WDR19: variants seen among roughly 807,000 people sequenced by gnomAD.
The protein encoded by WDR19 is WD repeat domain 19.
A neutral mutation model predicts 180.0 loss-of-function variants in WDR19; 121 were observed. The observed-to-expected ratio is 0.67, with a 90% CI of 0.58 to 0.78. WDR19 has a LOEUF of 0.78. Ranked by LOEUF, WDR19 falls within the 30% of genes least tolerant of loss-of-function variation. The probability of loss-of-function intolerance (pLI) is 0.00; values close to 1 mark genes in which losing one functional copy is unlikely to be tolerated. For synonymous variants in WDR19, 497 were observed against 540.7 expected, an observed-to-expected ratio of 0.92 and a Z score of 1.12; for missense variants, 1,450 against 1,640.7, an observed-to-expected ratio of 0.88 and a Z score of 2.01.
intron 15 of WDR19, among the ~76,000 whole-genome samples, chr4:39,225,939 T>C (rs554826410): frequency 3.3e-5 from 5 of 152,332 alleles, no homozygotes; most frequent in Middle Eastern, 3.4e-3. Flanking sequence ...AAATTCCTAA[T>C]CTGCTAGTTC....
At position 39,216,214 on chromosome 4, in the gene WDR19, A is replaced by G. The variant is rs1370753309; in HGVS notation, c.1249+4A>G. Reference sequence around the variant, plus strand: ...TTTTATGTCCTTGGAGAAAATGGCAAGTCTAAATCCAGTTGTTTATTCTTA... The same window carrying G: ...TTTTATGTCCTTGGAGAAAATGGCAGGTCTAAATCCAGTTGTTTATTCTTA... On this transcript the variant is annotated splice_donor_region_variant and intron_variant, in intron 12 of 36. Coordinates refer to ENST00000399820, the MANE Select transcript of WDR19 (RefSeq NM_025132.4). 6.4e-7 allele frequency: 1 copy of G among 1,551,722 alleles called. No homozygotes were observed. Among genetic ancestry groups the G allele is most frequent in the Non-Finnish European group, 8.7e-7 (1 of 1,149,736 alleles).
chr4:39,224,865 G>GT lies in WDR19; in HGVS notation c.1480-19_1480-18insT. On this transcript the variant is annotated intron_variant, in intron 14 of 36. Transcript: ENST00000399820. Reference sequence around the variant, plus strand: ...ACTACCTTTTATATTTTCATGGCTGGATTTTTTTTTTTTTTTAGACTGGTG... The same window carrying GT: ...ACTACCTTTTATATTTTCATGGCTGGTATTTTTTTTTTTTTTTAGACTGGTG... 7.1e-7 allele frequency: 1 copy of GT among 1,410,564 alleles called. No homozygotes were observed. Among genetic ancestry groups the GT allele is most frequent in the South Asian group, 1.4e-5 (1 of 70,218 alleles). The allele number at this position is 1,410,564 out of a possible 1,614,324, so 87.4% of individuals were successfully genotyped here. A position where few individuals can be genotyped will look rare whatever the true frequency, so the allele number is the denominator to read the frequency against.
At chr4:39,257,151 G>A (rs1451818) in intron 27 of WDR19, among the ~76,000 whole-genome samples, 69,751 of 152,022 alleles carry the variant, frequency 0.46, 18,658 homozygotes, top group East Asian at 0.62. Flanking sequence ...GGGATCTAGC[G>A]AAGTCCCACA....
intron 31 of WDR19, among the ~76,000 whole-genome samples, 186 bp downstream of exon 31, chr4:39,270,286 G>A (rs1260338276): frequency 3.3e-5 from 5 of 152,216 alleles, no homozygotes; most frequent in African/African-American, 1.2e-4. Context: ...CGGGGCAGGA[G>A]GCACAGTACC....
At position 39,285,648 on chromosome 4, in the gene WDR19, C is replaced by G. The variant is rs1349535548; in HGVS notation, c.*175C>G. 1 of 152,176 alleles carries G rather than the reference C, an allele frequency of 6.6e-6. No individual in the cohort carries two copies. Among genetic ancestry groups the G allele is most frequent in the East Asian group, 1.9e-4 (1 of 5,190 alleles). 9.4% of individuals were successfully genotyped at this position (152,176 alleles called of 1,614,324 possible). A position where few individuals can be genotyped will look rare whatever the true frequency, so the allele number is the denominator to read the frequency against. On this transcript the variant is annotated 3_prime_UTR_variant, in exon 37 of 37. Transcript: ENST00000399820. Reference sequence around the variant, plus strand: ...ACGGTGGCAAAACGATGACATGTAACCTTGCTGTTTATTGTACTTTGTATA... The same window carrying G: ...ACGGTGGCAAAACGATGACATGTAAGCTTGCTGTTTATTGTACTTTGTATA...
Position 39,217,148 on chromosome 4 carries a change from A to G in WDR19, c.1264A>G (p.Lys422Glu). 1 of 1,605,166 alleles carries G rather than the reference A, an allele frequency of 6.2e-7. No homozygotes were observed. Among genetic ancestry groups the G allele is most frequent in the Non-Finnish European group, 8.5e-7 (1 of 1,175,988 alleles). ...AATTGCTACAGCTGTGAAAAAATTG[A>G]AAGATATGGAGTATCTGGGAACAGT... ...VLGENAVKKL[K>E]DMEYLGTVAS... Residue 422 changes from lysine to glutamate, a missense_variant, in exon 13 of 37, where the codon AAA (lysine) becomes GAA (glutamate). Transcript: ENST00000399820.
intron 24 of WDR19, among the ~76,000 whole-genome samples, chr4:39,249,033 C>T (rs1732843567): frequency 6.6e-6 from 1 of 152,180 alleles, no homozygotes; most frequent in African/African-American, 2.4e-5. Context: ...CTCTCCACCC[C>T]AAATCAACAG....
Position 39,255,858 on chromosome 4 carries a change from CA to C in WDR19, c.3013del (p.Thr1005LeufsTer40). 6.3e-7 allele frequency: 1 copy of C among 1,587,908 alleles called. No individual in the cohort carries two copies. The highest frequency in any genetic ancestry group is 8.6e-7 in the Non-Finnish European group (1 of 1,166,088). ...IYADIIGSED[T>X]TNEDYQSIAL... Reference sequence around the variant, plus strand: ...AAACTTCTGTTACAGGTTCTGAAGACACTACTAATGAAGACTATCAAAGCAT... The same window carrying C: ...AAACTTCTGTTACAGGTTCTGAAGACCTACTAATGAAGACTATCAAAGCAT... On this transcript the variant is annotated frameshift_variant, in exon 27 of 37. Coordinates refer to ENST00000399820, the MANE Select transcript of WDR19 (RefSeq NM_025132.4). LOFTEE classifies it high-confidence loss of function.
intron 14 of WDR19, among the ~76,000 whole-genome samples, chr4:39,220,560 A>ATTTTTTTTTTTTTTTTTTTT (rs142037096): frequency 4.7e-5 from 3 of 64,376 alleles, no homozygotes; most frequent in African/African-American, 7.3e-5. Context: ...GACCTCCTTG[A>ATTTTTTTTTTTTTTTTTTTT]TTTTTTTTTT....
At chr4:39,189,937 T>C (rs1251742175) in intron 4 of WDR19, among the ~76,000 whole-genome samples, 156 bp downstream of exon 4, 4 of 152,246 alleles carry the variant, frequency 2.6e-5, no homozygotes, top group African/African-American at 9.6e-5. Context: ...CCAATTAGAA[T>C]GAAATTGTTA....
chr4:39,278,243 T>A lies in WDR19; in HGVS notation c.3917+36T>A, dbSNP rs374350097. 2.8e-5 allele frequency: 43 copies of A among 1,535,946 alleles called. No individual in the cohort carries two copies. The African/African-American group carries it at 5.6e-4, about 20-fold the overall frequency. Reference sequence around the variant, plus strand: ...ATCACGTCACTCAGTCTCACTGATTTCTCCCGACACAGGCCTTTCATTCTA... The same window carrying A: ...ATCACGTCACTCAGTCTCACTGATTACTCCCGACACAGGCCTTTCATTCTA... On this transcript the variant is annotated intron_variant, in intron 35 of 36. Transcript: ENST00000399820.
At chr4:39,244,157 G>A in intron 21 of WDR19, 91 bp from the exon 22 acceptor site, 2 of 1,417,586 alleles carry the variant, frequency 1.4e-6, no homozygotes, top group African/African-American at 1.4e-5. Context: ...ATAACCTTTG[G>A]ACTCATTTTA....
At chr4:39,283,393 T>A (rs201613880) in intron 36 of WDR19, among the ~76,000 whole-genome samples, 1 of 39,356 alleles carries the variant, frequency 2.5e-5, no homozygotes, top group Non-Finnish European at 4.6e-5. Context: ...CTCTGTTGTG[T>A]TTTTTTTTCA....
intron 14 of WDR19, among the ~76,000 whole-genome samples, chr4:39,222,621 A>G (rs1729814590): frequency 6.6e-6 from 1 of 152,224 alleles, no homozygotes; most frequent in Non-Finnish European, 1.5e-5. Flanking sequence ...AATGATATCC[A>G]GTTGTTCCAG....
intron 3 of WDR19, among the ~76,000 whole-genome samples, chr4:39,188,965 C>T (rs1305145972): frequency 6.6e-6 from 1 of 151,684 alleles, no homozygotes; most frequent in Non-Finnish European, 1.5e-5. Context: ...CCATGTTGCT[C>T]AGGCTGGAGT....
chr4:39,220,592 A>G, intron 14 of WDR19, among the ~76,000 whole-genome samples: 1 of 91,498 alleles, frequency 1.1e-5, no homozygotes, highest in Non-Finnish European at 2.0e-5. Context: ...TTTGAGACAG[A>G]GTCTCTCTCT....
intron 7 of WDR19, among the ~76,000 whole-genome samples, chr4:39,204,276 G>T (rs904500911): frequency 6.6e-6 from 1 of 151,906 alleles, no homozygotes; most frequent in African/African-American, 2.4e-5. Context: ...GTAGAGATGG[G>T]GTTTCTCCAT....
chr4:39,249,636 G>A (rs1401537556), intron 24 of WDR19, among the ~76,000 whole-genome samples: 1 of 152,110 alleles, frequency 6.6e-6, no homozygotes, highest in Non-Finnish European at 1.5e-5. Context: ...GAATCAAATA[G>A]ACGCAATAAA....
Position 39,217,144 on chromosome 4 carries a change from A to G in WDR19, c.1260A>G (p.Lys420=). The G allele has an allele frequency of 1.2e-6, 2 of 1,603,944 alleles. No individual in the cohort carries two copies. Among genetic ancestry groups the G allele is most frequent in the African/African-American group, 2.7e-5 (2 of 74,942 alleles). The change falls in exon 13 of 37, where the codon AAA becomes AAG. Residue 420 remains lysine (K), a synonymous_variant. Coordinates refer to ENST00000399820, the MANE Select transcript of WDR19 (RefSeq NM_025132.4). ...TAAAAATTGCTACAGCTGTGAAAAA[A>G]TTGAAAGATATGGAGTATCTGGGAA... The part of the protein sequence containing the change: ...FYVLGENAVK[K]LKDMEYLGTV...
Sources: allele counts gnomAD v4.1 joint callset (sites outside exome capture counted in the v4.1 genomes callset), GRCh38; gene constraint gnomAD v4.1.1; transcripts MANE v1.5; gene names NCBI Gene and HGNC (gene_info 2026-07-23, HGNC 2026-07-21).